ARHGAP8: variants seen among roughly 807,000 people sequenced by gnomAD.
The protein encoded by ARHGAP8 is Rho GTPase activating protein 8.
In ARHGAP8, 62 loss-of-function variants were observed where a neutral mutation model predicts 46.1. The ratio of observed to expected loss-of-function variants is 1.34; its 90% CI spans 1.10 to 1.66. The LOEUF (loss-of-function observed/expected upper bound fraction) is 1.66. ARHGAP8 is among the 40% of genes most tolerant of loss of function. ARHGAP8 has a pLI of 0.00. For missense variants in ARHGAP8, 923 were observed against 568.4 expected, an observed-to-expected ratio of 1.62 and a Z score of -6.34; for synonymous variants, 375 against 243.1, an observed-to-expected ratio of 1.54 and a Z score of -5.05.
intron 10 of ARHGAP8, among the ~76,000 whole-genome samples, chr22:44,854,971 C>G (rs1289975852): frequency 1.3e-5 from 2 of 152,026 alleles, no homozygotes; most frequent in African/African-American, 4.8e-5. Flanking sequence ...AATAAACTAA[C>G]AATATCAGAC....
intron 1 of ARHGAP8, among the ~76,000 whole-genome samples, chr22:44,767,984 CTTTTTTTTTTTTTT>C (rs1167255172): frequency 6.1e-4 from 29 of 47,252 alleles, no homozygotes; most frequent in Admixed American, 1.4e-3. Flanking sequence ...CGCATGATGT[CTTTTTTTTTTTTTT>C]TTTTTTTTTT....
chr22:44,789,573 C>G (rs1927514269), intron 2 of ARHGAP8, among the ~76,000 whole-genome samples: 1 of 152,164 alleles, frequency 6.6e-6, no homozygotes, highest in African/African-American at 2.4e-5. Context: ...TCTCGGCTCA[C>G]TACAGCCTCT....
intron 2 of ARHGAP8, 136 bp from the exon 3 acceptor site, chr22:44,801,941 T>C: frequency 2.3e-6 from 2 of 885,408 alleles, no homozygotes; most frequent in Non-Finnish European, 3.6e-6. Context: ...ACTCAGCAGG[T>C]GTCGCCTCCG....
At chr22:44,811,055 C>G (rs115148403) in intron 4 of ARHGAP8, among the ~76,000 whole-genome samples, 2,787 of 152,316 alleles carry the variant, frequency 0.018, 82 homozygotes, top group African/African-American at 0.061. Context: ...TGAGGCAGCT[C>G]CCCCACTTCT....
At chr22:44,859,305 C>A (rs532392147) in intron 10 of ARHGAP8, among the ~76,000 whole-genome samples, 4 of 152,022 alleles carry the variant, frequency 2.6e-5, no homozygotes, top group Non-Finnish European at 5.9e-5. Context: ...GTGCTGTCCT[C>A]GAGATAGTGA....
intron 1 of ARHGAP8, among the ~76,000 whole-genome samples, chr22:44,782,034 A>C (rs1926880668): frequency 6.6e-6 from 1 of 152,092 alleles, no homozygotes; most frequent in African/African-American, 2.4e-5. Context: ...TTCGTGTAAC[A>C]TTAAATTAAC....
At chr22:44,802,984 GC>G (rs1928660228) in intron 3 of ARHGAP8, among the ~76,000 whole-genome samples, 1 of 128,168 alleles carries the variant, frequency 7.8e-6, no homozygotes, top group Non-Finnish European at 1.7e-5. Context: ...GAAGACAAGG[GC>G]CTGCTGCTGC....
chr22:44,782,419 G>A (rs1926909024), intron 1 of ARHGAP8, among the ~76,000 whole-genome samples: 1 of 152,192 alleles, frequency 6.6e-6, no homozygotes. Flanking sequence ...TCACAGTGCT[G>A]TGTACCCACC....
chr22:44,817,152 C>G (rs1208469244), intron 5 of ARHGAP8, among the ~76,000 whole-genome samples: 1 of 152,100 alleles, frequency 6.6e-6, no homozygotes, highest in Non-Finnish European at 1.5e-5. Context: ...CTCCCAAAGT[C>G]CTGGGATTAC....
chr22:44,815,401 C>A (rs1929665626), intron 5 of ARHGAP8, among the ~76,000 whole-genome samples: 1 of 151,442 alleles, frequency 6.6e-6, no homozygotes, highest in Non-Finnish European at 1.5e-5. Context: ...ATAAAACCCA[C>A]CCAAGGCCCC....
chr22:44,782,829 G>A (rs1333873885), intron 1 of ARHGAP8, among the ~76,000 whole-genome samples: 2 of 152,132 alleles, frequency 1.3e-5, no homozygotes, highest in Non-Finnish European at 1.5e-5. Context: ...CTCAGTCCCC[G>A]TCTCCAGCTT....
intron 2 of ARHGAP8, among the ~76,000 whole-genome samples, chr22:44,786,994 G>C (rs1397595560): frequency 1.4e-5 from 2 of 144,172 alleles, no homozygotes; most frequent in East Asian, 4.0e-4. Context: ...ACTCCAGCCT[G>C]GGTGACAGAG....
At chr22:44,813,106 C>T (rs79961769) in intron 4 of ARHGAP8, among the ~76,000 whole-genome samples, 191 of 152,248 alleles carry the variant, frequency 1.3e-3, no homozygotes, top group African/African-American at 3.7e-3. Context: ...GGAGCACAGT[C>T]GCCCTGGCTC....
chr22:44,820,766 G>GC (rs1302697677), intron 5 of ARHGAP8, among the ~76,000 whole-genome samples: 1 of 152,120 alleles, frequency 6.6e-6, no homozygotes, highest in African/African-American at 2.4e-5. Context: ...TCCTCCCTCA[G>GC]CCCCCGGGTC....
At chr22:44,834,122 T>C (rs1378395368) in intron 7 of ARHGAP8, among the ~76,000 whole-genome samples, 1 of 152,144 alleles carries the variant, frequency 6.6e-6, no homozygotes, top group African/African-American at 2.4e-5. Context: ...TGATGTTCTC[T>C]GTTATTTTCC....
intron 2 of ARHGAP8, 45 bp downstream of exon 2, chr22:44,786,651 C>G (rs1927262267): frequency 6.3e-7 from 1 of 1,578,834 alleles, no homozygotes; most frequent in African/African-American, 1.3e-5. Flanking sequence ...GGCAGAGCAG[C>G]CTTCCTCTCG....
chr22:44,753,536 T>C (rs1924420241), intron 1 of ARHGAP8, among the ~76,000 whole-genome samples: 1 of 142,618 alleles, frequency 7.0e-6, no homozygotes, highest in Admixed American at 7.5e-5. Context: ...GCCCAAAGTT[T>C]AAACCAATCC....
intron 1 of ARHGAP8, among the ~76,000 whole-genome samples, chr22:44,770,681 C>T (rs911014955): frequency 1.5e-4 from 23 of 152,202 alleles, no homozygotes; most frequent in African/African-American, 5.5e-4. Context: ...GCTGGGATTA[C>T]AGGCATGTGC....
At chr22:44,858,498 GCT>G (rs67972621) in intron 10 of ARHGAP8, among the ~76,000 whole-genome samples, 22,157 of 141,626 alleles carry the variant, frequency 0.16, 2,222 homozygotes, top group African/African-American at 0.3. Context: ...CTCCCATGTA[GCT>G]CTGGGATTAC....
Sources: allele counts gnomAD v4.1 joint callset (sites outside exome capture counted in the v4.1 genomes callset), GRCh38; gene constraint gnomAD v4.1.1; transcripts MANE v1.5; gene names NCBI Gene and HGNC (gene_info 2026-07-23, HGNC 2026-07-21).